The following LTBP1 variants were observed in gnomAD, a reference collection of about 807,000 sequenced individuals.
LTBP1 encodes latent transforming growth factor beta binding protein 1, also known as latent-transforming growth factor beta-binding protein 1.
Under a neutral mutation model 207.6 loss-of-function variants are expected in LTBP1, and 129 were observed. The ratio of observed to expected loss-of-function variants is 0.62; its 90% confidence interval spans 0.54 to 0.72. LTBP1 has a LOEUF of 0.72. Among genes scored for constraint, LTBP1 ranks in the 30% least tolerant of loss-of-function variants. LTBP1 has a pLI of 0.00. For synonymous variants in LTBP1, 963 were observed against 833.7 expected (o/e 1.16, Z -2.67); for missense variants, 2,281 against 2,217.2 (o/e 1.03, Z -0.58).
chr2:33,090,956 A>C (rs1032811943), intron 3 of LTBP1, among the ~76,000 whole-genome samples: 4 of 152,202 alleles, frequency 2.6e-5, no homozygotes, highest in Admixed American at 1.3e-4. Flanking sequence ...GTAATGCATG[A>C]CCTGAGAGGA....
At chr2:33,066,232 A>G (rs1309490737) in intron 3 of LTBP1, among the ~76,000 whole-genome samples, 3 of 152,220 alleles carry the variant, frequency 2.0e-5, no homozygotes, top group East Asian at 3.8e-4. Context: ...CTAACATCAT[A>G]CAATTGTATT....
At chr2:32,980,588 C>A (rs766973691) in intron 2 of LTBP1, among the ~76,000 whole-genome samples, 1 of 152,048 alleles carries the variant, frequency 6.6e-6, no homozygotes, top group Non-Finnish European at 1.5e-5. Context: ...TTGACTAGTT[C>A]ATCTTCTTTC....
intron 3 of LTBP1, among the ~76,000 whole-genome samples, chr2:33,053,259 A>C (rs2149524380): frequency 6.6e-6 from 1 of 152,276 alleles, no homozygotes; most frequent in Non-Finnish European, 1.5e-5. Context: ...TGGCCCCTGC[A>C]ACCCCTCTCC....
intron 3 of LTBP1, among the ~76,000 whole-genome samples, chr2:33,064,700 ACTAT>A (rs1281289165): frequency 4.6e-5 from 7 of 152,348 alleles, no homozygotes; most frequent in East Asian, 1.9e-4. Flanking sequence ...AGAAGGAGAT[ACTAT>A]CTGTTTTCCA....
chr2:33,261,379 GT>G (rs1281713321), intron 13 of LTBP1, among the ~76,000 whole-genome samples: 1 of 152,194 alleles, frequency 6.6e-6, no homozygotes, highest in Non-Finnish European at 1.5e-5. Flanking sequence ...TAGAAAGCTA[GT>G]TTTAAGAAGA....
At position 33,391,868 on chromosome 2, in the gene LTBP1, C is replaced by G. The variant is rs563815730; in HGVS notation, c.4834+2562C>G. ...GGTGTCACATCAATCTCTTATTTAG[C>G]AACATAGGAAATTGAGATGCAGTTC... On this transcript the variant is annotated intron_variant, in intron 32 of 33. Transcript: ENST00000404816. 1.1e-4 allele frequency among the ~76,000 whole-genome samples: 16 copies of G among 152,272 alleles called. No homozygotes were observed. In the East Asian group the frequency reaches 2.7e-3, roughly 26 times the overall value.
At chr2:33,236,410 C>T (rs2092053242) in intron 9 of LTBP1, among the ~76,000 whole-genome samples, 2 of 152,260 alleles carry the variant, frequency 1.3e-5, no homozygotes, top group South Asian at 4.1e-4. Flanking sequence ...TAAATGTGCA[C>T]AGTATTTTCA....
At chr2:33,079,713 A>G (rs2078287928) in intron 3 of LTBP1, among the ~76,000 whole-genome samples, 1 of 152,100 alleles carries the variant, frequency 6.6e-6, no homozygotes, top group Non-Finnish European at 1.5e-5. Flanking sequence ...AAAGGTGACA[A>G]GGCTGTCCTG....
chr2:33,036,373 T>C (rs1054414727), intron 3 of LTBP1, among the ~76,000 whole-genome samples: 1 of 152,212 alleles, frequency 6.6e-6, no homozygotes, highest in African/African-American at 2.4e-5. Context: ...ATTATGTCAG[T>C]ATACTACAAT....
intron 3 of LTBP1, among the ~76,000 whole-genome samples, chr2:33,029,235 G>A (rs1025219158): frequency 2.6e-5 from 4 of 152,178 alleles, no homozygotes; most frequent in Non-Finnish European, 5.9e-5. Context: ...ACAGCACTTT[G>A]GGAGGCTGAG....
At chr2:33,186,474 G>A (rs12466553) in intron 5 of LTBP1, among the ~76,000 whole-genome samples, 31,334 of 151,642 alleles carry the variant, frequency 0.21, 3,850 homozygotes, top group East Asian at 0.56. Context: ...CCTTGTTCTC[G>A]AGGAGTTTAT....
intron 31 of LTBP1, among the ~76,000 whole-genome samples, chr2:33,380,686 A>C (rs760486562): frequency 3.6e-4 from 55 of 152,290 alleles, no homozygotes; most frequent in Non-Finnish European, 6.6e-4. Context: ...TGAATTCCAG[A>C]GTTAACATAT....
chr2:33,326,654 T>A (rs550743802), intron 24 of LTBP1, among the ~76,000 whole-genome samples: 1 of 150,992 alleles, frequency 6.6e-6, no homozygotes, highest in East Asian at 1.9e-4. Flanking sequence ...TATTTATTTA[T>A]TTATTTATTT....
At chr2:32,949,104 T>C (rs976409428) in intron 2 of LTBP1, among the ~76,000 whole-genome samples, 159 bp downstream of exon 2, 7 of 152,110 alleles carry the variant, frequency 4.6e-5, no homozygotes, top group Admixed American at 4.6e-4. Context: ...AAGGGCTGGG[T>C]CAGGGTAATG....
chr2:33,217,248 A>G (rs2090781817), intron 7 of LTBP1, among the ~76,000 whole-genome samples: 2 of 152,182 alleles, frequency 1.3e-5, no homozygotes, highest in Admixed American at 1.3e-4. Context: ...ACACACTATG[A>G]GGCTCTTATT....
chr2:33,383,021 G>A (rs908552791), intron 31 of LTBP1, among the ~76,000 whole-genome samples: 1 of 152,088 alleles, frequency 6.6e-6, no homozygotes, highest in African/African-American at 2.4e-5. Flanking sequence ...AATGGCCACC[G>A]TTTTTCTAAT....
At chr2:33,393,463 C>A (rs1426020393) in intron 32 of LTBP1, among the ~76,000 whole-genome samples, 1 of 144,678 alleles carries the variant, frequency 6.9e-6, no homozygotes, top group Non-Finnish European at 1.5e-5. Context: ...CGCGAAAGGC[C>A]CTGGTGTGTG....
At chr2:33,285,034 TC>T (rs1259410316) in intron 19 of LTBP1, among the ~76,000 whole-genome samples, 24 of 147,304 alleles carry the variant, frequency 1.6e-4, no homozygotes, top group African/African-American at 5.9e-4. Flanking sequence ...TGTATCACAT[TC>T]TTTTTTTTTT....
chr2:33,142,103 G>A (rs1243211953), intron 5 of LTBP1, among the ~76,000 whole-genome samples: 1 of 152,158 alleles, frequency 6.6e-6, no homozygotes, highest in Non-Finnish European at 1.5e-5. Flanking sequence ...CCAGGCTGGA[G>A]TGCAGTGGCG....
Sources: allele counts gnomAD v4.1 joint callset (sites outside exome capture counted in the v4.1 genomes callset), GRCh38; gene constraint gnomAD v4.1.1; transcripts MANE v1.5; gene names NCBI Gene and HGNC (gene_info 2026-07-23, HGNC 2026-07-21).